Variants in NRG3 observed in about 807,000 individuals in gnomAD.
NRG3 encodes the protein neuregulin 3.
Under a neutral mutation model 66.9 loss-of-function variants are expected in NRG3, and 31 were observed. The observed-to-expected ratio is 0.46, with a 90% CI of 0.35 to 0.63. The LOEUF (loss-of-function observed/expected upper bound fraction) is 0.63. Ranked by LOEUF, NRG3 falls within the 20% of genes least tolerant of loss-of-function variation. NRG3 has a pLI of 0.00. For synonymous variants in NRG3, 393 were observed against 359.4 expected, an observed-to-expected ratio of 1.09 and a Z score of -1.06; for missense variants, 910 against 878.9, an observed-to-expected ratio of 1.04 and a Z score of -0.45.
At chr10:82,688,174 A>G (rs995064188) in intron 2 of NRG3, among the ~76,000 whole-genome samples, 1 of 152,158 alleles carries the variant, frequency 6.6e-6, no homozygotes, top group Non-Finnish European at 1.5e-5. Context: ...AGTCATAGCT[A>G]TTTACTTCAC....
In NRG3 at chr10:82,985,120, A is replaced by G; in HGVS notation, c.1606A>G (p.Thr536Ala). Residue 536 changes from threonine to alanine, a missense_variant, in exon 9 of 9, where the codon ACC (threonine) becomes GCC (alanine). Coordinates refer to ENST00000372141, the MANE Select transcript of NRG3 (RefSeq NM_001010848.4). The part of the protein sequence containing the change: ...CQGYSSSGLK[T>A]QRNTSINMQL... ...CAGGTATTCATCCAGTGGTTTAAAA[A>G]CCCAACGAAATACATCAATAAATAT... 1 of 1,613,594 alleles carries G rather than the reference A, an allele frequency of 6.2e-7. No individual in the cohort carries two copies. The highest frequency in any genetic ancestry group is 8.5e-7 in the Non-Finnish European group (1 of 1,179,832).
At chr10:82,147,248 A>G (rs1458924457) in intron 1 of NRG3, among the ~76,000 whole-genome samples, 2 of 152,184 alleles carry the variant, frequency 1.3e-5, no homozygotes, top group Non-Finnish European at 2.9e-5. Context: ...TGTTTTATAG[A>G]TGCAGAATCT....
intron 1 of NRG3, among the ~76,000 whole-genome samples, chr10:81,951,943 TA>T (rs1176396293): frequency 1.3e-5 from 2 of 151,942 alleles, no homozygotes; most frequent in African/African-American, 4.8e-5. Flanking sequence ...TATGCAGCCA[TA>T]AAAAAGGATG....
At chr10:82,879,785 CT>C (rs1236145983) in intron 4 of NRG3, among the ~76,000 whole-genome samples, 2 of 151,932 alleles carry the variant, frequency 1.3e-5, no homozygotes, top group Admixed American at 6.6e-5. Context: ...CTAATGAAGA[CT>C]TTTTAAAGTT....
chr10:82,513,264 C>T (rs960597285), intron 2 of NRG3, among the ~76,000 whole-genome samples: 1 of 152,162 alleles, frequency 6.6e-6, no homozygotes, highest in African/African-American at 2.4e-5. Flanking sequence ...GCTCCAACCA[C>T]ATCCCTGCAA....
At chr10:82,223,136 C>A (rs949755046) in intron 1 of NRG3, among the ~76,000 whole-genome samples, 8 of 150,076 alleles carry the variant, frequency 5.3e-5, no homozygotes, top group African/African-American at 2.0e-4. Context: ...AGTGTAGATT[C>A]TTTATTGAAA....
intron 2 of NRG3, among the ~76,000 whole-genome samples, chr10:82,462,373 A>G (rs2091557043): frequency 6.6e-6 from 1 of 151,804 alleles, no homozygotes; most frequent in Non-Finnish European, 1.5e-5. Context: ...TTGTATATTA[A>G]TGATCCAAAT....
At chr10:82,174,378 GT>G (rs1257473588) in intron 1 of NRG3, among the ~76,000 whole-genome samples, 1 of 151,404 alleles carries the variant, frequency 6.6e-6, no homozygotes, top group Admixed American at 6.6e-5. Context: ...TTATGCACAT[GT>G]TTTTTTCGTA....
At chr10:82,504,254 A>G (rs1434169925) in intron 2 of NRG3, among the ~76,000 whole-genome samples, 18 of 152,114 alleles carry the variant, frequency 1.2e-4, no homozygotes, top group Non-Finnish European at 2.4e-4. Context: ...TGCAGCCTGA[A>G]TGTTCTTGTG....
chr10:81,899,195 C>T (rs12268683), intron 1 of NRG3, among the ~76,000 whole-genome samples: 1 of 152,086 alleles, frequency 6.6e-6, no homozygotes, highest in Non-Finnish European at 1.5e-5. Context: ...AGAGCTGTTA[C>T]AAGAATTAAA....
intron 1 of NRG3, among the ~76,000 whole-genome samples, chr10:82,223,111 C>G (rs781720497): frequency 6.6e-6 from 1 of 152,054 alleles, no homozygotes; most frequent in Non-Finnish European, 1.5e-5. Context: ...AAACAGAACC[C>G]GAAACAATTC....
intron 1 of NRG3, among the ~76,000 whole-genome samples, chr10:82,041,546 T>C (rs1286120924): frequency 6.6e-6 from 1 of 151,976 alleles, no homozygotes; most frequent in Non-Finnish European, 1.5e-5. Flanking sequence ...GTGAAGACTT[T>C]GTCTCATTTG....
At chr10:81,903,004 A>C (rs1237893445) in intron 1 of NRG3, among the ~76,000 whole-genome samples, 1 of 152,068 alleles carries the variant, frequency 6.6e-6, no homozygotes, top group Non-Finnish European at 1.5e-5. Flanking sequence ...ATTTCACTGA[A>C]AAAAAAGGAA....
chr10:81,914,595 A>C (rs1589439113), intron 1 of NRG3, among the ~76,000 whole-genome samples: 1 of 149,874 alleles, frequency 6.7e-6, no homozygotes, highest in African/African-American at 2.5e-5. Flanking sequence ...CAAACAAACA[A>C]AAATTTAAAA....
At chr10:82,695,792 G>A (rs769805351) in intron 2 of NRG3, among the ~76,000 whole-genome samples, 1 of 151,914 alleles carries the variant, frequency 6.6e-6, no homozygotes, top group Non-Finnish European at 1.5e-5. Flanking sequence ...CCCAGATCAC[G>A]TGTCCACCAT....
chr10:82,707,282 G>A (rs749362045), intron 2 of NRG3, among the ~76,000 whole-genome samples: 17 of 143,514 alleles, frequency 1.2e-4, no homozygotes, highest in Admixed American at 4.3e-4. Flanking sequence ...GCCACCACTG[G>A]CTGGTTTTGA....
intron 1 of NRG3, among the ~76,000 whole-genome samples, chr10:81,988,926 G>A (rs561118271): frequency 1.3e-3 from 200 of 151,960 alleles, no homozygotes; most frequent in Non-Finnish European, 2.2e-3. Flanking sequence ...ATAAGGAAAG[G>A]CTGGGTAGAA....
intron 1 of NRG3, among the ~76,000 whole-genome samples, chr10:82,331,922 G>A (rs1199928563): frequency 2.0e-5 from 3 of 152,206 alleles, no homozygotes; most frequent in Non-Finnish European, 4.4e-5. Flanking sequence ...GTGCATGAGC[G>A]AGAGCAGAGG....
chr10:82,473,615 AT>A (rs1346109799), intron 2 of NRG3, among the ~76,000 whole-genome samples: 1 of 152,142 alleles, frequency 6.6e-6, no homozygotes, highest in Non-Finnish European at 1.5e-5. Context: ...GCTTTGTGGC[AT>A]TTTCACTTGC....
Sources: gnomAD v4.1 joint callset for allele counts (sites outside exome capture counted in the v4.1 genomes callset) on GRCh38, gnomAD v4.1.1 for gene constraint, MANE v1.5 for transcripts, NCBI Gene and HGNC (gene_info 2026-07-23, HGNC 2026-07-21) for gene names.